Variants in SHANK1 observed in about 807,000 individuals in gnomAD.
The protein encoded by SHANK1 is SH3 and multiple ankyrin repeat domains 1.
In SHANK1, 35 loss-of-function variants were observed where a neutral mutation model predicts 165.6. That is an observed-to-expected ratio of 0.21 (90% CI 0.16 to 0.28). SHANK1 has a LOEUF of 0.28. Among genes scored for constraint, SHANK1 ranks in the 10% least tolerant of loss-of-function variants. SHANK1 has a pLI of 1.00. For missense variants in SHANK1, 2,681 were observed against 3,036.4 expected, an observed-to-expected ratio of 0.88 and a Z score of 2.75; for synonymous variants, 1,428 against 1,384.8, an observed-to-expected ratio of 1.03 and a Z score of -0.69.
chr19:50,667,670 C>T lies in SHANK1; in HGVS notation c.4290G>A (p.Glu1430=), dbSNP rs1206554151. ...LGYRAGLGSQ[E]KSLPASPPAA... ...CGGGCGGGCTGGCGGGAAGGGACTT[C>T]TCCTGGCTGCCCAGCCCGGCCCTGT... is the stretch of plus-strand genomic sequence containing the variant. Residue 1430 remains glutamate, a synonymous_variant, in exon 23 of 24, where the codon GAG becomes GAA. Coordinates refer to ENST00000293441, the MANE Select transcript of SHANK1 (RefSeq NM_016148.5). The surrounding 1 kb of genome is among the most constrained non-coding windows in gnomAD (Gnocchi z 5.7). 2.2e-6 allele frequency: 3 copies of T among 1,389,930 alleles called. No individual in the cohort carries two copies. The highest frequency in any genetic ancestry group is 2.9e-5 in the East Asian group (1 of 34,248). 86.1% of individuals were successfully genotyped at this position (1,389,930 alleles called of 1,614,324 possible). A position where few individuals can be genotyped will look rare whatever the true frequency, so the allele number is the denominator to read the frequency against.
chr19:50,711,914 A>C (rs1599872841), intron 7 of SHANK1, 33 bp downstream of exon 7: 1 of 1,612,266 alleles, frequency 6.2e-7, no homozygotes, highest in Non-Finnish European at 8.5e-7. Context: ...TGGGTCCCCC[A>C]CCCCAGCCCT....
At chr19:50,669,322 G>T in intron 22 of SHANK1, 37 bp from the exon 23 acceptor site, 1 of 1,426,462 alleles carries the variant, frequency 7.0e-7, no homozygotes, top group Non-Finnish European at 9.8e-7. Context: ...GGGGACCCTG[G>T]CGGGGAGGGT....
At chr19:50,703,235 C>T (rs967583768) in intron 11 of SHANK1, among the ~76,000 whole-genome samples, 3 of 151,920 alleles carry the variant, frequency 2.0e-5, no homozygotes, top group African/African-American at 7.2e-5. Flanking sequence ...TTCTGTCTGT[C>T]CCCAGGGGCT....
chr19:50,691,542 C>T (rs1406477367), intron 15 of SHANK1, among the ~76,000 whole-genome samples: 1 of 152,162 alleles, frequency 6.6e-6, no homozygotes, highest in Non-Finnish European at 1.5e-5. Flanking sequence ...ATAAAACTCC[C>T]ATATCAATAT....
rs963729707 is a variant in SHANK1 at position 50,666,679 on chromosome 19, C to G, written c.5281G>C (p.Ala1761Pro). 9 of 1,585,318 alleles carry G rather than the reference C, an allele frequency of 5.7e-6. No individual in the cohort carries two copies. The African/African-American group carries it at 1.1e-4, about 19-fold the overall frequency. The change falls in exon 23 of 24, where the codon GCG becomes CCG. Residue 1761 changes from alanine to proline, a missense_variant. Around this residue, in one of 10 missense-constraint regions of SHANK1, gnomAD observed 1,713 missense variants for 1,630.2 expected, o/e 1.05. Coordinates refer to ENST00000293441, the MANE Select transcript of SHANK1 (RefSeq NM_016148.5). ...CGCAGGCCTCCGCTGGCTCCTAGCG[C>G]CCGGCCCCGGAGCTTAGAGGGAGTC... ...LMTPSKLRGR[A>P]LGASGGLRPG...
chr19:50,699,408 G>A (rs1986834637), intron 12 of SHANK1, among the ~76,000 whole-genome samples: 1 of 152,186 alleles, frequency 6.6e-6, no homozygotes, highest in South Asian at 2.1e-4. Context: ...GAGCTCAAGG[G>A]AAAATAAGAG....
Position 50,713,673 on chromosome 19 carries a change from G to T in SHANK1, c.792+125C>A. 2.4e-6 allele frequency: 3 copies of T among 1,261,004 alleles called. No individual in the cohort carries two copies. Among genetic ancestry groups the T allele is most frequent in the Non-Finnish European group, 3.3e-6 (3 of 900,746 alleles). 78.1% of individuals were successfully genotyped at this position (1,261,004 alleles called of 1,614,324 possible). A position where few individuals can be genotyped will look rare whatever the true frequency, so the allele number is the denominator to read the frequency against. ...GCTGTGTCTCAGTCTATGGAAAGGG[G>T]CTTTGAACTGGGGACATGAGAGGGC... On this transcript the variant is annotated intron_variant, in intron 6 of 23. Coordinates refer to ENST00000293441, the MANE Select transcript of SHANK1 (RefSeq NM_016148.5). The surrounding 1 kb of genome is among the most constrained non-coding windows in gnomAD (Gnocchi z 6.2).
At chr19:50,682,590 T>C (rs1986212580) in intron 21 of SHANK1, among the ~76,000 whole-genome samples, 1 of 152,082 alleles carries the variant, frequency 6.6e-6, no homozygotes, top group African/African-American at 2.4e-5. Context: ...TTCTGGGGGA[T>C]CAGGAACAAA....
At chr19:50,678,268 C>A (rs894885377) in intron 21 of SHANK1, among the ~76,000 whole-genome samples, 6 of 151,964 alleles carry the variant, frequency 3.9e-5, no homozygotes, top group African/African-American at 1.4e-4. Context: ...GTACGAAGAG[C>A]CAGGAGAAGG....
intron 21 of SHANK1, among the ~76,000 whole-genome samples, chr19:50,675,756 T>C (rs1985957672): frequency 6.6e-6 from 1 of 151,966 alleles, no homozygotes; most frequent in Non-Finnish European, 1.5e-5. Context: ...AATCCCAACA[T>C]TTTGGGAGTT....
At chr19:50,678,321 A>G (rs1488585350) in intron 21 of SHANK1, among the ~76,000 whole-genome samples, 1 of 152,042 alleles carries the variant, frequency 6.6e-6, no homozygotes, top group Non-Finnish European at 1.5e-5. Context: ...GCTGAGGGGC[A>G]GGGCTGGAGA....
At chr19:50,663,036 CCCA>C in intron 23 of SHANK1, 1 of 313,960 alleles carries the variant, frequency 3.2e-6, no homozygotes. Context: ...CAGTTTAATC[CCCA>C]CGACAGCCCT....
chr19:50,666,754 C>T lies in SHANK1; in HGVS notation c.5206G>A (p.Ala1736Thr). Residue 1736 changes from alanine to threonine, a missense_variant, in exon 23 of 24, where the codon GCC becomes ACC. Ala to Thr is a moderately conservative substitution (Grantham distance 58). Coordinates refer to ENST00000293441, the MANE Select transcript of SHANK1 (RefSeq NM_016148.5). ...CCGGGAGTACTGCTGCCCCCAAAGG[C>T]CTGGCCGTCCAGGTAGGCCACATAG... ...DTYVAYLDGQ[A>T]FGGSSTPGPP... 1 of 1,559,164 alleles carries T rather than the reference C, an allele frequency of 6.4e-7. No individual in the cohort carries two copies.
Position 50,662,753 on chromosome 19 carries a change from C to A in SHANK1, c.5769-71G>T. 2 of 1,522,704 alleles carry A rather than the reference C, an allele frequency of 1.3e-6. No homozygotes were observed. Among genetic ancestry groups the A allele is most frequent in the East Asian group, 4.9e-5 (2 of 40,680 alleles). The allele number at this position is 1,522,704 out of a possible 1,614,324, so 94.3% of individuals were successfully genotyped here. A position where few individuals can be genotyped will look rare whatever the true frequency, so the allele number is the denominator to read the frequency against. ...GGCAAGGGCAGGGGTGAGAAAGAGG[C>A]AGAGGTCAAGATATAGGGAGAGAGG... On this transcript the variant is annotated intron_variant, in intron 23 of 23. Coordinates refer to ENST00000293441, the MANE Select transcript of SHANK1 (RefSeq NM_016148.5). The surrounding 1 kb of genome is among the most constrained non-coding windows in gnomAD (Gnocchi z 7.7).
chr19:50,719,629 C>G lies in SHANK1; in HGVS notation c.-267G>C, dbSNP rs1018313201. Among the ~76,000 whole-genome samples, 10 of 149,076 alleles carry G rather than the reference C, an allele frequency of 6.7e-5. No individual in the cohort carries two copies. Among genetic ancestry groups the G allele is most frequent in the African/African-American group, 2.2e-4 (9 of 40,876 alleles). On this transcript the variant is annotated 5_prime_UTR_variant, in exon 1 of 24. Transcript: ENST00000293441. Reference sequence around the variant, plus strand: ...GGCCTGGCCATCCGCAGAGCGCCCCCCCTTCCGCCGCGGCCGCCGCGCCCC... The same window carrying G: ...GGCCTGGCCATCCGCAGAGCGCCCCGCCTTCCGCCGCGGCCGCCGCGCCCC...
Position 50,666,349 on chromosome 19 carries a change from T to A in SHANK1, c.5611A>T (p.Ile1871Phe). 1 of 1,613,848 alleles carries A rather than the reference T, an allele frequency of 6.2e-7. No individual in the cohort carries two copies. The highest frequency in any genetic ancestry group is 8.5e-7 in the Non-Finnish European group (1 of 1,179,948). The change falls in exon 23 of 24, where the codon ATC becomes TTC. Residue 1871 changes from isoleucine (I) to phenylalanine (F), a missense_variant. By Grantham distance (21) the Ile-to-Phe change is conservative. This residue lies in a region of SHANK1 where 1,713 missense variants were observed against 1,630.2 expected (regional missense o/e 1.05). Coordinates refer to ENST00000293441, the MANE Select transcript of SHANK1 (RefSeq NM_016148.5). Reference sequence around the variant, plus strand: ...TGAAGCTTGGAGCTGAGTTCACTGATGATGCTGGCTTTTACTGTGGCCAAG... The same window carrying A: ...TGAAGCTTGGAGCTGAGTTCACTGAAGATGCTGGCTTTTACTGTGGCCAAG... ...SALATVKASI[I>F]SELSSKLQQF... is the part of the protein sequence containing the mutation.
intron 21 of SHANK1, among the ~76,000 whole-genome samples, chr19:50,683,802 G>T (rs747450470): frequency 6.6e-6 from 1 of 152,178 alleles, no homozygotes; most frequent in Non-Finnish European, 1.5e-5. Context: ...AGCCCTTCGC[G>T]TATTGATTCT....
At chr19:50,698,279 T>C (rs1986803601) in intron 12 of SHANK1, among the ~76,000 whole-genome samples, 1 of 152,110 alleles carries the variant, frequency 6.6e-6, no homozygotes, top group African/African-American at 2.4e-5. Flanking sequence ...GTAATTCCCC[T>C]TCACCCTCCT....
rs1367295934 is a variant in SHANK1 at position 50,716,025 on chromosome 19, C to T, written c.459+250G>A. Among the ~76,000 whole-genome samples the T allele has an allele frequency of 6.6e-6, 1 of 152,138 alleles. No individual in the cohort carries two copies. The highest frequency in any genetic ancestry group is 2.4e-5 in the African/African-American group (1 of 41,418). Reference sequence around the variant, plus strand: ...CCTACTGTAATTGGGAATCCTCCCCCAATTTGATGGGTGAGGAGAAGCTTG... The same window carrying T: ...CCTACTGTAATTGGGAATCCTCCCCTAATTTGATGGGTGAGGAGAAGCTTG... On this transcript the variant is annotated intron_variant, in intron 3 of 23. Coordinates refer to ENST00000293441, the MANE Select transcript of SHANK1 (RefSeq NM_016148.5). This position sits in a 1 kb window ranked among gnomAD's most constrained non-coding sequence, Gnocchi z 8.4.
Sources: gnomAD v4.1 joint callset for allele counts (sites outside exome capture counted in the v4.1 genomes callset) on GRCh38, gnomAD v4.1.1 for gene constraint, gnomAD v4.1.1 regional missense constraint, Gnocchi (gnomAD v3.1) non-coding constraint, MANE v1.5 for transcripts, NCBI Gene and HGNC (gene_info 2026-07-23, HGNC 2026-07-21) for gene names.